Variants in APP observed in about 807,000 individuals in gnomAD.
APP encodes the protein amyloid-beta precursor protein.
In APP, 31 loss-of-function variants were observed where a neutral mutation model predicts 101.4. That is an observed-to-expected ratio of 0.31 (90% CI 0.23 to 0.41). APP has a LOEUF of 0.41. Among genes scored for constraint, APP ranks in the 10% least tolerant of loss-of-function variants. APP has a pLI of 1.00. For missense variants in APP, 839 were observed against 1,003.7 expected, an observed-to-expected ratio of 0.84 and a Z score of 2.22; for synonymous variants, 366 against 364.4, an observed-to-expected ratio of 1.00 and a Z score of -0.05.
intron 5 of APP, among the ~76,000 whole-genome samples, chr21:26,034,768 C>A (rs2045022594): frequency 6.6e-6 from 1 of 152,000 alleles, no homozygotes; most frequent in Non-Finnish European, 1.5e-5. Context: ...TATGAAAAGC[C>A]ATTCACTCAT....
At chr21:26,164,207 T>C (rs1486269783) in intron 1 of APP, among the ~76,000 whole-genome samples, 1 of 152,234 alleles carries the variant, frequency 6.6e-6, no homozygotes, top group Admixed American at 6.5e-5. Flanking sequence ...ATCGCACCAC[T>C]GCATTCCAGC....
chr21:26,123,023 A>G (rs1376886773), intron 1 of APP, among the ~76,000 whole-genome samples: 2 of 152,232 alleles, frequency 1.3e-5, no homozygotes, highest in African/African-American at 2.4e-5. Context: ...AGTATATTAT[A>G]TAAGAATCCA....
At chr21:25,999,651 T>C (rs999569320) in intron 7 of APP, among the ~76,000 whole-genome samples, 2 of 152,182 alleles carry the variant, frequency 1.3e-5, no homozygotes, top group Admixed American at 1.3e-4. Flanking sequence ...CATGAACACA[T>C]ATGTACACGG....
At chr21:26,148,120 T>C (rs1386197460) in intron 1 of APP, among the ~76,000 whole-genome samples, 1 of 152,166 alleles carries the variant, frequency 6.6e-6, no homozygotes, top group Non-Finnish European at 1.5e-5. Flanking sequence ...TACCCACCAT[T>C]TCAGGAAGCC....
intron 5 of APP, among the ~76,000 whole-genome samples, chr21:26,039,589 C>CA (rs1348919418): frequency 6.6e-6 from 1 of 152,164 alleles, no homozygotes; most frequent in African/African-American, 2.4e-5. Context: ...AACAATGAGC[C>CA]AATCCACAGG....
At chr21:25,934,951 T>C (rs1217894147) in intron 13 of APP, 2 of 152,368 alleles carry the variant, frequency 1.3e-5, no homozygotes, top group Admixed American at 6.5e-5. Context: ...GCATGACTTA[T>C]CCTGAGAAGA....
chr21:26,129,650 C>T (rs1247342014), intron 1 of APP, among the ~76,000 whole-genome samples: 3 of 151,914 alleles, frequency 2.0e-5, no homozygotes, highest in Admixed American at 6.6e-5. Context: ...TTGTGAAATT[C>T]AATAAAGTGA....
intron 8 of APP, among the ~76,000 whole-genome samples, chr21:25,990,908 ACGGAACC>A (rs1230132043): frequency 1.3e-5 from 2 of 152,210 alleles, no homozygotes; most frequent in Non-Finnish European, 2.9e-5. Flanking sequence ...CTGCAAAGAT[ACGGAACC>A]AACCTAAGTG....
intron 17 of APP, among the ~76,000 whole-genome samples, chr21:25,885,860 A>G (rs1323330427): frequency 6.6e-6 from 1 of 152,224 alleles, no homozygotes; most frequent in Admixed American, 6.5e-5. Context: ...TTTAGAGCTC[A>G]GCTATCCGCC....
rs930662852 is a variant in APP, at chr21:26,107,903, GCAC to G, written c.225+4073_225+4075del. On this transcript the variant is annotated intron_variant, in intron 2 of 17. Transcript: ENST00000346798. ...GACATTATGTCTGAGGAGGAAGAGA[GCAC>G]CACAGGGTTCTAGAAAGGCATATAA... Among the ~76,000 whole-genome samples, 15 of 152,318 alleles carry G rather than the reference GCAC, an allele frequency of 9.8e-5. No individual in the cohort carries two copies. In the East Asian group the frequency reaches 2.9e-3, roughly 29 times the overall value.
rs567561907 is a variant in APP, at chr21:26,102,593, T to C, written c.225+9386A>G. Among the ~76,000 whole-genome samples the C allele has an allele frequency of 6.6e-5, 10 of 152,160 alleles. No homozygotes were observed. In the East Asian group the frequency reaches 1.9e-3, roughly 29 times the overall value. Reference sequence around the variant, plus strand: ...TAAAGCAAGTGGCCACTTTATGCTGTTAAATGATGAATAACTGCCAGGCAC... The same window carrying C: ...TAAAGCAAGTGGCCACTTTATGCTGCTAAATGATGAATAACTGCCAGGCAC... On this transcript the variant is annotated intron_variant, in intron 2 of 17. Coordinates refer to ENST00000346798, the MANE Select transcript of APP (RefSeq NM_000484.4).
chr21:25,988,149 A>G (rs1166022987), intron 8 of APP, among the ~76,000 whole-genome samples: 1 of 152,138 alleles, frequency 6.6e-6, no homozygotes, highest in African/African-American at 2.4e-5. Context: ...GCAGATGACA[A>G]AACTAGCACG....
At chr21:26,079,777 G>C (rs1461367311) in intron 3 of APP, among the ~76,000 whole-genome samples, 1 of 152,164 alleles carries the variant, frequency 6.6e-6, no homozygotes, top group Non-Finnish European at 1.5e-5. Flanking sequence ...GTGGATGCCA[G>C]TGTCTGTCTT....
intron 1 of APP, among the ~76,000 whole-genome samples, chr21:26,129,431 T>C (rs1314122329): frequency 6.6e-6 from 1 of 151,492 alleles, no homozygotes; most frequent in Non-Finnish European, 1.5e-5. Flanking sequence ...GATCACACCA[T>C]GTATTCCAGC....
At chr21:25,982,509 A>C (rs1210587701) in intron 8 of APP, 32 bp from the exon 9 acceptor site, 2 of 1,610,492 alleles carry the variant, frequency 1.2e-6, no homozygotes, top group Middle Eastern at 1.7e-4. Flanking sequence ...GGTTTGAGAA[A>C]AAAAAGCCAA....
At chr21:25,940,854 C>T (rs1413448019) in intron 13 of APP, among the ~76,000 whole-genome samples, 2 of 152,170 alleles carry the variant, frequency 1.3e-5, no homozygotes, top group Non-Finnish European at 1.5e-5. Context: ...ACAGATTGCT[C>T]AGCCCCATCC....
At chr21:26,055,108 A>G (rs2045988180) in intron 3 of APP, among the ~76,000 whole-genome samples, 1 of 152,198 alleles carries the variant, frequency 6.6e-6, no homozygotes, top group Admixed American at 6.5e-5. Flanking sequence ...ATAGCAGTAT[A>G]GTGTGTGTTG....
intron 3 of APP, among the ~76,000 whole-genome samples, chr21:26,085,486 G>A (rs940747649): frequency 2.6e-5 from 4 of 152,086 alleles, no homozygotes; most frequent in African/African-American, 7.2e-5. Context: ...GAGAGGAGGC[G>A]CCATGGGCAC....
intron 3 of APP, among the ~76,000 whole-genome samples, chr21:26,057,498 CA>C (rs35745552): frequency 1.2e-4 from 18 of 151,044 alleles, no homozygotes; most frequent in Admixed American, 8.6e-4. Context: ...CACACACACA[CA>C]CCCAACTGAA....
Sources: gnomAD v4.1 joint callset for allele counts (sites outside exome capture counted in the v4.1 genomes callset) on GRCh38, gnomAD v4.1.1 for gene constraint, MANE v1.5 for transcripts, NCBI Gene and HGNC (gene_info 2026-07-23, HGNC 2026-07-21) for gene names.